Variants in DYRK4 observed in about 807,000 individuals in gnomAD.
The protein encoded by DYRK4 is dual specificity tyrosine phosphorylation regulated kinase 4.
A neutral mutation model predicts 68.3 loss-of-function variants in DYRK4; 64 were observed. The observed-to-expected ratio is 0.94, with a 90% CI of 0.77 to 1.15. The LOEUF (loss-of-function observed/expected upper bound fraction) is 1.15. Among genes scored for constraint, DYRK4 ranks in the 50% most tolerant of loss-of-function variants. The pLI, the probability that DYRK4 is intolerant of heterozygous loss-of-function variation, is 0.00. For missense variants in DYRK4, 740 were observed against 764.7 expected (o/e 0.97, Z 0.38); for synonymous variants, 274 against 289.9 (o/e 0.95, Z 0.56).
chr12:4,608,944 A>G (rs1945186248), intron 12 of DYRK4, among the ~76,000 whole-genome samples: 1 of 152,198 alleles, frequency 6.6e-6, no homozygotes, highest in African/African-American at 2.4e-5. Flanking sequence ...TGGATCCCAA[A>G]TATACTTTTT....
Position 4,596,305 on chromosome 12 carries a change from T to G in DYRK4, c.764+20T>G, listed in dbSNP as rs776127534. 2 of 1,613,852 alleles carry G rather than the reference T, an allele frequency of 1.2e-6. No individual in the cohort carries two copies. Among genetic ancestry groups the G allele is most frequent in the Admixed American group, 3.3e-5 (2 of 60,000 alleles). On this transcript the variant is annotated intron_variant, in intron 7 of 14. Coordinates refer to ENST00000543431, the MANE Select transcript of DYRK4 (RefSeq NM_001394779.1). ...GAAGAGGTGTGGCTTGGGGATGACA[T>G]AGGCCACAGAGGAGGGACTGCGTGA...
chr12:4,609,207 TC>T (rs1945189457), intron 12 of DYRK4, among the ~76,000 whole-genome samples: 1 of 152,228 alleles, frequency 6.6e-6, no homozygotes, highest in Admixed American at 6.5e-5. Flanking sequence ...TGTCTTCACT[TC>T]CTGTGAAAGA....
chr12:4,562,294 C>T lies in DYRK4; in HGVS notation c.38+11C>T, dbSNP rs1944634130. ...CCGCACCGGAACAAAGTAAGGGCCG[C>T]GGAGGCTCGTACTTCACGAGCAGTC... On this transcript the variant is annotated intron_variant, in intron 1 of 14. Transcript: ENST00000543431. 6.5e-7 allele frequency: 1 copy of T among 1,531,606 alleles called. No homozygotes were observed. The highest frequency in any genetic ancestry group is 8.7e-7 in the Non-Finnish European group (1 of 1,144,898). The allele number at this position is 1,531,606 out of a possible 1,614,324, so 94.9% of individuals were successfully genotyped here. A position where few individuals can be genotyped will look rare whatever the true frequency, so the allele number is the denominator to read the frequency against.
At chr12:4,572,685 T>C (rs764273666) in intron 2 of DYRK4, among the ~76,000 whole-genome samples, 4 of 152,214 alleles carry the variant, frequency 2.6e-5, no homozygotes, top group Non-Finnish European at 4.4e-5. Flanking sequence ...ATTAAATCTC[T>C]GACATTTTGC....
Position 4,612,652 on chromosome 12 carries a change from A to G in DYRK4, c.1600A>G (p.Asn534Asp). ...QPRPQTLRKSNSFFPSETRKD... is the reference protein window; with the variant it reads ...QPRPQTLRKSDSFFPSETRKD... ...CAGGCCCCAGACCCTGAGGAAATCC[A>G]ATTCCTTTTTCCCCTCTGAGACAAG... The change falls in exon 14 of 15, where the codon AAT (asparagine) becomes GAT (aspartate). Residue 534 changes from asparagine (N) to aspartate (D), a missense_variant. This residue lies in a region of DYRK4 where 614 missense variants were observed against 603.7 expected (regional missense o/e 1.02). Coordinates refer to ENST00000543431, the MANE Select transcript of DYRK4 (RefSeq NM_001394779.1). The G allele has an allele frequency of 2.5e-6, 4 of 1,614,164 alleles. No individual in the cohort carries two copies. The highest frequency in any genetic ancestry group is 3.4e-6 in the Non-Finnish European group (4 of 1,180,026).
At position 4,613,582 on chromosome 12, in the gene DYRK4, T is replaced by C; in HGVS notation, c.1734T>C (p.Gly578=). The C allele has an allele frequency of 6.2e-7, 1 of 1,614,114 alleles. No individual in the cohort carries two copies. ...DSPTKHVQHS[G]DQQDCLQHGA... ...CCACGAAGCATGTTCAGCATTCAGG[T>C]GATCAGCAGGACTGTCTCCAGCACG... The change falls in exon 15 of 15, where the codon GGT becomes GGC. Residue 578 remains glycine (G), a synonymous_variant. Transcript: ENST00000543431. This position sits in a 1 kb window ranked among gnomAD's most constrained non-coding sequence, Gnocchi z 4.0.
chr12:4,584,017 T>G (rs1357657283), intron 2 of DYRK4, among the ~76,000 whole-genome samples: 1 of 152,196 alleles, frequency 6.6e-6, no homozygotes, highest in African/African-American at 2.4e-5. Context: ...GCCTAATGTT[T>G]GTTGCCATGG....
In DYRK4 at chr12:4,599,132, C is replaced by T. The variant is rs371159844; in HGVS notation, c.1010C>T (p.Ser337Leu). The change falls in exon 9 of 15, where the codon TCG (serine) becomes TTG (leucine). Residue 337 changes from serine (S) to leucine (L), a missense_variant. Physicochemically the swap from Ser to Leu is moderately radical, Grantham distance 145 (BLOSUM62 -2). Around this residue, in one of 3 missense-constraint regions of DYRK4, gnomAD observed 614 missense variants for 603.7 expected, o/e 1.02. Transcript: ENST00000543431. The part of the protein sequence containing the change: ...LSVLKCLQML[S>L]VEKIIHCDLK... ...GTTTTGAAGTGCTTGCAGATGCTTT[C>T]GGTAGAGAAAATCATTCACTGTGAT... 1.9e-5 allele frequency: 31 copies of T among 1,613,964 alleles called. No individual in the cohort carries two copies. The African/African-American group carries it at 2.9e-4, about 15-fold the overall frequency.
chr12:4,593,957 C>G (rs892330378), intron 6 of DYRK4, among the ~76,000 whole-genome samples: 1 of 152,264 alleles, frequency 6.6e-6, no homozygotes, highest in East Asian at 1.9e-4. Flanking sequence ...TGGAGGAGCT[C>G]GTTAAAATGC....
chr12:4,596,178 T>G lies in DYRK4; in HGVS notation c.657T>G (p.Tyr219Ter). 6.2e-7 allele frequency: 1 copy of G among 1,614,192 alleles called. No homozygotes were observed. The highest frequency in any genetic ancestry group is 1.7e-5 in the Admixed American group (1 of 60,032). Residue 219 changes from tyrosine to a stop codon, truncating the protein, a stop_gained, in exon 7 of 15, where the codon TAT becomes TAG. Transcript: ENST00000543431. LOFTEE classifies it high-confidence loss of function. ...TGCATGATCACATTGCCTACCGCTA[T>G]GAAGTTCTGGAGACAATCGGGAAGG... ...KVLHDHIAYR[Y>*]EVLETIGKGS...
chr12:4,599,431 T>C (rs890063049), intron 9 of DYRK4, among the ~76,000 whole-genome samples: 6 of 152,242 alleles, frequency 3.9e-5, no homozygotes, highest in Admixed American at 3.9e-4. Context: ...AAAGTCACTA[T>C]CTTCAGGAGT....
Position 4,613,553 on chromosome 12 carries a change from A to G in DYRK4, c.1705A>G (p.Ser569Gly), listed in dbSNP as rs1945253572. 3.1e-6 allele frequency: 5 copies of G among 1,613,940 alleles called. No individual in the cohort carries two copies. Among genetic ancestry groups the G allele is most frequent in the Admixed American group, 1.7e-5 (1 of 60,002 alleles). Residue 569 changes from serine to glycine, a missense_variant, in exon 15 of 15, where the codon AGC becomes GGC. Coordinates refer to ENST00000543431, the MANE Select transcript of DYRK4 (RefSeq NM_001394779.1). The surrounding 1 kb of genome is among the most constrained non-coding windows in gnomAD (Gnocchi z 4.0). ...TKETTEKTKD[S>G]PTKHVQHSGD... ...AGAGACTACAGAGAAAACAAAAGAT[A>G]GCCCCACGAAGCATGTTCAGCATTC... is the stretch of plus-strand genomic sequence containing the variant.
intron 2 of DYRK4, among the ~76,000 whole-genome samples, chr12:4,570,176 G>C (rs1450234022): frequency 1.3e-5 from 2 of 151,930 alleles, no homozygotes; most frequent in African/African-American, 4.8e-5. Flanking sequence ...AGGAGGTTGA[G>C]GCTGCAGTGA....
intron 10 of DYRK4, chr12:4,602,639 T>A: frequency 7.2e-7 from 1 of 1,385,882 alleles, no homozygotes; most frequent in Non-Finnish European, 1.0e-6. Context: ...ACACAGGAGT[T>A]GGAAGATCTG....
chr12:4,591,041 C>T lies in DYRK4; in HGVS notation c.325-119C>T. On this transcript the variant is annotated intron_variant, in intron 4 of 14. Coordinates refer to ENST00000543431, the MANE Select transcript of DYRK4 (RefSeq NM_001394779.1). The surrounding 1 kb of genome is among the most constrained non-coding windows in gnomAD (Gnocchi z 4.1). ...TTCTGTCTCTTAATCGCTGTTTTCT[C>T]CCTGGAGAGGTAGGTAAAGAGCCTG... 3 of 1,220,858 alleles carry T rather than the reference C, an allele frequency of 2.5e-6. No individual in the cohort carries two copies. Among genetic ancestry groups the T allele is most frequent in the Non-Finnish European group, 3.4e-6 (3 of 879,728 alleles). The allele number at this position is 1,220,858 out of a possible 1,614,324, so 75.6% of individuals were successfully genotyped here. A position where few individuals can be genotyped will look rare whatever the true frequency, so the allele number is the denominator to read the frequency against.
chr12:4,590,629 C>A, intron 4 of DYRK4, 189 bp downstream of exon 4: 1 of 1,254,366 alleles, frequency 8.0e-7, no homozygotes, highest in Non-Finnish European at 1.0e-6. Context: ...CTTTTCTTAG[C>A]TACAAAATGG....
chr12:4,598,924 T>A (rs1315586589), intron 8 of DYRK4, 104 bp from the exon 9 acceptor site: 3 of 1,351,754 alleles, frequency 2.2e-6, no homozygotes, highest in Non-Finnish European at 3.1e-6. Flanking sequence ...GAGGCTTGCC[T>A]GCTACTAGAC....
chr12:4,600,745 A>G (rs1379713439), intron 10 of DYRK4, among the ~76,000 whole-genome samples: 1 of 151,990 alleles, frequency 6.6e-6, no homozygotes, highest in African/African-American at 2.4e-5. Context: ...CCACCCTCCC[A>G]ACACCACGTT....
At position 4,591,106 on chromosome 12, in the gene DYRK4, G is replaced by T; in HGVS notation, c.325-54G>T. On this transcript the variant is annotated intron_variant, in intron 4 of 14. Transcript: ENST00000543431. This position sits in a 1 kb window ranked among gnomAD's most constrained non-coding sequence, Gnocchi z 4.1. ...TCTTTGGTTAAATAAATGGTTTATG[G>T]CCCCCAGGAGAGTCCTAAGTAGTTA... is the stretch of plus-strand genomic sequence containing the variant. The T allele has an allele frequency of 1.3e-6, 2 of 1,571,888 alleles. No homozygotes were observed. Among genetic ancestry groups the T allele is most frequent in the Non-Finnish European group, 1.7e-6 (2 of 1,158,872 alleles).
Sources: gnomAD v4.1 joint callset for allele counts (sites outside exome capture counted in the v4.1 genomes callset) on GRCh38, gnomAD v4.1.1 for gene constraint, gnomAD v4.1.1 regional missense constraint, Gnocchi (gnomAD v3.1) non-coding constraint, MANE v1.5 for transcripts, NCBI Gene and HGNC (gene_info 2026-07-23, HGNC 2026-07-21) for gene names.